Variants in UGT2A1 observed in about 807,000 individuals in gnomAD.
The protein encoded by UGT2A1 is UDP glucuronosyltransferase family 2 member A1 complex locus.
In UGT2A1, 61 loss-of-function variants were observed where a neutral mutation model predicts 45.4. The ratio of observed to expected loss-of-function variants is 1.34; its 90% CI spans 1.09 to 1.66. The LOEUF (loss-of-function observed/expected upper bound fraction) is 1.66, where lower values mean the gene tolerates loss of function less well. Ranked by LOEUF, UGT2A1 falls within the 40% of genes most tolerant of loss-of-function variation. The pLI is 0.00. For synonymous variants in UGT2A1, 229 were observed against 196.2 expected (o/e 1.17, Z -1.40); for missense variants, 649 against 574.3 (o/e 1.13, Z -1.33).
At chr4:69,640,601 A>G (rs1449432682) in intron 2 of UGT2A1, among the ~76,000 whole-genome samples, 1 of 151,918 alleles carries the variant, frequency 6.6e-6, no homozygotes, top group African/African-American at 2.4e-5. Context: ...AAATAAGAAC[A>G]AATAGAGTGA....
intron 3 of UGT2A1, among the ~76,000 whole-genome samples, chr4:69,627,500 G>A (rs1379321106): frequency 6.8e-6 from 1 of 146,668 alleles, no homozygotes; most frequent in African/African-American, 2.5e-5. Flanking sequence ...ATGCAGGAAG[G>A]AAGGAAGGAA....
intron 3 of UGT2A1, among the ~76,000 whole-genome samples, chr4:69,628,148 A>G (rs917728724): frequency 2.4e-4 from 37 of 151,930 alleles, no homozygotes; most frequent in African/African-American, 8.5e-4. Flanking sequence ...CTTAGGTTGA[A>G]TATTTAATTT....
chr4:69,639,110 C>T lies in UGT2A1; in HGVS notation c.716-3288G>A. 1.9e-6 allele frequency: 3 copies of T among 1,613,560 alleles called. 1 individual carries two copies. Among genetic ancestry groups the T allele is most frequent in the South Asian group, 2.2e-5 (2 of 91,026 alleles). On this transcript the variant is annotated intron_variant, in intron 2 of 6. Transcript: ENST00000286604. Reference sequence around the variant, plus strand: ...ATGCTGGAGAGAACCTCAATGTGTACATAAATGGAATTCCTAATTTCAGAG... The same window carrying T: ...ATGCTGGAGAGAACCTCAATGTGTATATAAATGGAATTCCTAATTTCAGAG...
At chr4:69,652,822 G>C (rs987961944) in intron 1 of UGT2A1, among the ~76,000 whole-genome samples, 3 of 152,036 alleles carry the variant, frequency 2.0e-5, no homozygotes, top group Admixed American at 6.6e-5. Context: ...TCAGTATAAA[G>C]TTTCTTATTT....
At chr4:69,599,631 G>T in intron 3 of UGT2A1, 1 of 439,442 alleles carries the variant, frequency 2.3e-6, no homozygotes, top group Non-Finnish European at 3.8e-6. Context: ...CAGGCAAGCA[G>T]GGAGGGAGAG....
At chr4:69,639,499 T>A (rs1360108769) in intron 2 of UGT2A1, 1 of 1,613,252 alleles carries the variant, frequency 6.2e-7, no homozygotes, top group African/African-American at 1.3e-5. Flanking sequence ...TCTTCTAGAA[T>A]AATCTTAATA....
intron 2 of UGT2A1, chr4:69,638,902 A>T (rs267600226): frequency 3.2e-6 from 5 of 1,575,670 alleles, no homozygotes; most frequent in Non-Finnish European, 4.3e-6. Context: ...GACTTACCTA[A>T]AATTTTGCTA....
chr4:69,646,162 T>G (rs1012109065), intron 2 of UGT2A1, among the ~76,000 whole-genome samples: 8 of 151,792 alleles, frequency 5.3e-5, no homozygotes. Context: ...TATTTTAGTC[T>G]TCCTATCTAA....
At chr4:69,631,300 G>A (rs145499895) in intron 3 of UGT2A1, among the ~76,000 whole-genome samples, 1 of 115,050 alleles carries the variant, frequency 8.7e-6, no homozygotes, top group South Asian at 3.6e-4. Flanking sequence ...TTGTCAAAGA[G>A]AGAGTTACTT....
intron 2 of UGT2A1, among the ~76,000 whole-genome samples, chr4:69,645,092 T>C (rs146060161): frequency 6.6e-6 from 1 of 151,882 alleles, no homozygotes; most frequent in African/African-American, 2.4e-5. Flanking sequence ...TAAACATCTC[T>C]AGGCCTTACA....
At chr4:69,597,838 C>A (rs1719030360) in intron 4 of UGT2A1, among the ~76,000 whole-genome samples, 1 of 151,944 alleles carries the variant, frequency 6.6e-6, no homozygotes, top group Admixed American at 6.6e-5. Context: ...CAGTGATTGG[C>A]GTAATTATTT....
chr4:69,633,975 G>C (rs1721528831), intron 3 of UGT2A1, among the ~76,000 whole-genome samples: 1 of 152,126 alleles, frequency 6.6e-6, no homozygotes, highest in Non-Finnish European at 1.5e-5. Flanking sequence ...GCCGCGCGCG[G>C]TGGCTCACGC....
chr4:69,613,859 C>G (rs555539185), intron 3 of UGT2A1, among the ~76,000 whole-genome samples: 2 of 152,108 alleles, frequency 1.3e-5, no homozygotes, highest in East Asian at 3.9e-4. Context: ...CGCAAACCTA[C>G]AGGTAGCATC....
intron 4 of UGT2A1, among the ~76,000 whole-genome samples, chr4:69,596,694 G>T (rs1577947134): frequency 6.6e-6 from 1 of 152,068 alleles, no homozygotes; most frequent in East Asian, 1.9e-4. Context: ...GCTGAGTTTT[G>T]TATTTTTAGT....
At chr4:69,635,323 A>G (rs1721612568) in intron 3 of UGT2A1, among the ~76,000 whole-genome samples, 1 of 152,124 alleles carries the variant, frequency 6.6e-6, no homozygotes, top group South Asian at 2.1e-4. Context: ...CCCGATCTAC[A>G]GTGCGCTGGG....
rs768231232 is a variant in UGT2A1, at chr4:69,589,508, C to A, written c.1448G>T (p.Trp483Leu). The A allele has an allele frequency of 8.1e-6, 13 of 1,613,938 alleles. No individual in the cohort carries two copies. Among genetic ancestry groups the A allele is most frequent in the Admixed American group, 5.0e-5 (3 of 59,986 alleles). Residue 483 changes from tryptophan to leucine, a missense_variant, in exon 7 of 7, where the codon TGG (tryptophan) becomes TTG (leucine). Transcript: ENST00000286604. ...HLRVAAHDLT[W>L]FQYHSLDVIG... ...TACATCCAAAGAGTGGTACTGGAACCAGGTGAGGTCATGGGCTGCAACCCG... is the reference window on the plus strand; with the variant it reads ...TACATCCAAAGAGTGGTACTGGAACAAGGTGAGGTCATGGGCTGCAACCCG...
At chr4:69,638,595 T>C (rs9992698) in intron 2 of UGT2A1, among the ~76,000 whole-genome samples, 57,432 of 151,964 alleles carry the variant, frequency 0.38, 11,280 homozygotes, top group East Asian at 0.6. Context: ...TCAGTAGTGT[T>C]ATAATGTATC....
chr4:69,621,885 T>C (rs1720777353), intron 3 of UGT2A1, among the ~76,000 whole-genome samples: 1 of 151,726 alleles, frequency 6.6e-6, no homozygotes, highest in African/African-American at 2.4e-5. Context: ...GGGTCATTAT[T>C]CTTAGCAAAC....
intron 2 of UGT2A1, among the ~76,000 whole-genome samples, chr4:69,646,365 C>T (rs371323859): frequency 1.7e-3 from 262 of 151,896 alleles, no homozygotes; most frequent in African/African-American, 6.1e-3. Flanking sequence ...CACCATATCA[C>T]ACTTAAGCAA....
Sources: allele counts gnomAD v4.1 joint callset (sites outside exome capture counted in the v4.1 genomes callset), GRCh38; gene constraint gnomAD v4.1.1; transcripts MANE v1.5; gene names NCBI Gene and HGNC (gene_info 2026-07-23, HGNC 2026-07-21).